PARVG: variants seen among roughly 807,000 people sequenced by gnomAD.
PARVG encodes the protein gamma-parvin.
Under a neutral mutation model 44.4 loss-of-function variants are expected in PARVG, and 36 were observed. That is an observed-to-expected ratio of 0.81 (90% CI 0.62 to 1.07). The LOEUF (loss-of-function observed/expected upper bound fraction) is 1.07. Ranked by LOEUF, PARVG falls within the 50% of genes least tolerant of loss-of-function variation. PARVG has a pLI of 0.00. For missense variants in PARVG, 407 were observed against 407.4 expected (o/e 1.00, Z 0.01); for synonymous variants, 170 against 174.1 (o/e 0.98, Z 0.19).
chr22:44,185,229 A>G (rs2054447135), intron 3 of PARVG: 1 of 153,008 alleles, frequency 6.5e-6, no homozygotes, highest in Non-Finnish European at 1.5e-5. Context: ...TAGGCAAGAC[A>G]GTCGCCACTG....
intron 1 of PARVG, among the ~76,000 whole-genome samples, chr22:44,175,126 A>G (rs1192567674): frequency 6.6e-6 from 1 of 152,218 alleles, no homozygotes; most frequent in Non-Finnish European, 1.5e-5. Context: ...CGGTCTCAAA[A>G]ACAAAAAACA....
rs1003717227 is a variant in PARVG at position 44,183,329 on chromosome 22, G to A, written c.-1G>A. On this transcript the variant is annotated 5_prime_UTR_variant, in exon 3 of 14. Coordinates refer to ENST00000444313, the MANE Select transcript of PARVG (RefSeq NM_022141.7). ...CCTCCTCTGTGCAGGCTTGGGAGGC[G>A]ATGGAGCCGGAGTTCTTGTACGACC... is the stretch of plus-strand genomic sequence containing the variant. The A allele has an allele frequency of 1.1e-5, 17 of 1,608,606 alleles. No homozygotes were observed. Among genetic ancestry groups the A allele is most frequent in the South Asian group, 2.2e-5 (2 of 89,558 alleles).
intron 12 of PARVG, among the ~76,000 whole-genome samples, 161 bp downstream of exon 12, chr22:44,198,883 C>CACCT (rs1393421026): frequency 4.3e-5 from 6 of 140,360 alleles, no homozygotes; most frequent in Non-Finnish European, 7.9e-5. Flanking sequence ...TCCATCCATC[C>CACCT]ACCTATTCAC....
chr22:44,203,016 G>A (rs1247055957), intron 12 of PARVG, among the ~76,000 whole-genome samples: 2 of 152,174 alleles, frequency 1.3e-5, no homozygotes, highest in Non-Finnish European at 2.9e-5. Flanking sequence ...CAAGCCACAC[G>A]CGGAAGAAAA....
chr22:44,198,686 G>C lies in PARVG; in HGVS notation c.777G>C (p.Lys259Asn). ...TTGAAGGCTTCTTCCTGCACTTAAA[G>C]GAATTCTACCTCACTCCCAACTCTC... ...GQLEGFFLHL[K>N]EFYLTPNSPA... Residue 259 changes from lysine (K) to asparagine (N), a missense_variant, in exon 12 of 14, where the codon AAG (lysine) becomes AAC (asparagine). Transcript: ENST00000444313. 6.2e-7 allele frequency: 1 copy of C among 1,613,804 alleles called. No individual in the cohort carries two copies. The highest frequency in any genetic ancestry group is 1.7e-5 in the Admixed American group (1 of 60,016).
chr22:44,191,654 C>T (rs1009083594), intron 7 of PARVG, among the ~76,000 whole-genome samples: 19 of 152,130 alleles, frequency 1.2e-4, no homozygotes, highest in African/African-American at 4.3e-4. Flanking sequence ...CTGTCTTAGT[C>T]TCCTAAAGTG....
intron 12 of PARVG, among the ~76,000 whole-genome samples, chr22:44,202,888 C>G (rs2054728600): frequency 6.6e-6 from 1 of 152,154 alleles, no homozygotes; most frequent in Non-Finnish European, 1.5e-5. Flanking sequence ...ATCCCCGGAG[C>G]CAGGAATCCT....
chr22:44,181,697 C>A (rs370852079), intron 1 of PARVG, 45 bp from the exon 2 acceptor site: 2 of 984,498 alleles, frequency 2.0e-6, no homozygotes, highest in Admixed American at 6.2e-5. Context: ...AGGTTTGTGG[C>A]AGCTTCACTT....
At chr22:44,183,492 C>T in intron 3 of PARVG, 84 bp downstream of exon 3, 1 of 1,333,630 alleles carries the variant, frequency 7.5e-7, no homozygotes, top group Non-Finnish European at 1.0e-6. Context: ...ACTTGCAGCA[C>T]CTTCCCAGCT....
intron 13 of PARVG, 104 bp downstream of exon 13, chr22:44,205,933 G>T: frequency 7.5e-7 from 1 of 1,338,146 alleles, no homozygotes; most frequent in South Asian, 1.3e-5. Flanking sequence ...GCACGCATTG[G>T]CAGAGTCCTC....
At chr22:44,193,439 G>C (rs983144856) in intron 8 of PARVG, among the ~76,000 whole-genome samples, 1 of 152,172 alleles carries the variant, frequency 6.6e-6, no homozygotes, top group African/African-American at 2.4e-5. Context: ...CAGCATGTAA[G>C]TGGGGGTGAT....
intron 12 of PARVG, 52 bp from the exon 13 acceptor site, chr22:44,205,705 T>C: frequency 6.2e-7 from 1 of 1,604,146 alleles, no homozygotes; most frequent in Non-Finnish European, 8.5e-7. Flanking sequence ...ACCCAAGGCC[T>C]GGCCTGGGGC....
intron 5 of PARVG, 78 bp downstream of exon 5, chr22:44,187,956 C>A: frequency 2.1e-6 from 3 of 1,412,858 alleles, no homozygotes; most frequent in South Asian, 2.3e-5. Flanking sequence ...CACAGGTAGG[C>A]TCTCTCCTTC....
chr22:44,204,407 C>G (rs1331677111), intron 12 of PARVG, among the ~76,000 whole-genome samples: 4 of 152,240 alleles, frequency 2.6e-5, no homozygotes, highest in Non-Finnish European at 5.9e-5. Flanking sequence ...GTATCATCCC[C>G]GTGACACAGA....
chr22:44,193,761 T>C (rs751565297), intron 8 of PARVG, 40 bp from the exon 9 acceptor site: 5 of 1,608,200 alleles, frequency 3.1e-6, no homozygotes, highest in African/African-American at 2.7e-5. Context: ...GGGGTGTTTT[T>C]TTTTTAACCA....
chr22:44,192,762 C>G (rs531665026), intron 8 of PARVG, among the ~76,000 whole-genome samples: 3 of 151,592 alleles, frequency 2.0e-5, no homozygotes, highest in East Asian at 1.9e-4. Context: ...TCCCTGCCCA[C>G]TGGGGCTGGC....
intron 7 of PARVG, 90 bp downstream of exon 7, chr22:44,190,756 G>A: frequency 8.7e-7 from 1 of 1,153,000 alleles, no homozygotes; most frequent in Non-Finnish European, 1.3e-6. Flanking sequence ...GCTGGCTGGG[G>A]CGGGGCTGAC....
chr22:44,182,987 G>GT lies in PARVG; in HGVS notation c.-12-331_-12-330insT, dbSNP rs911859159. On this transcript the variant is annotated intron_variant, in intron 2 of 13. Transcript: ENST00000444313. This position sits in a 1 kb window ranked among gnomAD's most constrained non-coding sequence, Gnocchi z 4.6. ...TTTGTCCTGTCTGGGATAGGGTGGGGGGTCCCTGGGTAGGGGGCTGGGGGC... is the reference window on the plus strand; with the variant it reads ...TTTGTCCTGTCTGGGATAGGGTGGGGTGGTCCCTGGGTAGGGGGCTGGGGGC... The GT allele has an allele frequency of 1.9e-4, 65 of 339,232 alleles. No homozygotes were observed. The highest frequency in any genetic ancestry group is 1.6e-3 in the Middle Eastern group (2 of 1,254). The allele number at this position is 339,232 out of a possible 1,614,324, so 21.0% of individuals were successfully genotyped here.
intron 6 of PARVG, 37 bp downstream of exon 6, chr22:44,189,291 T>G (rs747908444): frequency 2.4e-5 from 39 of 1,605,506 alleles, no homozygotes; most frequent in Non-Finnish European, 3.2e-5. Flanking sequence ...CTGGGGAGTG[T>G]GGGGCCGCTG....
Sources: gnomAD v4.1 joint callset for allele counts (sites outside exome capture counted in the v4.1 genomes callset) on GRCh38, gnomAD v4.1.1 for gene constraint, Gnocchi (gnomAD v3.1) non-coding constraint, MANE v1.5 for transcripts, NCBI Gene and HGNC (gene_info 2026-07-23, HGNC 2026-07-21) for gene names.